GPRIN2: variants seen among roughly 807,000 people sequenced by gnomAD.
GPRIN2 encodes the protein G protein regulated inducer of neurite outgrowth 2.
GPRIN2 carries 1 observed loss-of-function variant against 0.3 expected under a neutral mutation model. The observed-to-expected ratio is 3.90, with a 90% CI of 1.39 to 18.51. The LOEUF (loss-of-function observed/expected upper bound fraction) is 18.51, where lower values mean the gene tolerates loss of function less well. Among genes scored for constraint, GPRIN2 ranks in the 30% most tolerant of loss-of-function variants. The pLI is 0.11. For synonymous variants in GPRIN2, 361 were observed against 258.6 expected, an observed-to-expected ratio of 1.40 and a Z score of -3.80; for missense variants, 880 against 604.2, an observed-to-expected ratio of 1.46 and a Z score of -4.79.
chr10:46,541,744 C>G lies in GPRIN2; in HGVS notation c.*7616G>C, dbSNP rs983617798. Among the ~76,000 whole-genome samples the G allele has an allele frequency of 2.0e-5, 3 of 152,292 alleles. No individual in the cohort carries two copies. The highest frequency in any genetic ancestry group is 1.5e-5 in the Non-Finnish European group (1 of 68,056). ...AAGGCAACACTAAGTGATTCGGTAA[C>G]CAAGATAAATCATATTTTAATTATT... On this transcript the variant is annotated 3_prime_UTR_variant, in exon 3 of 3. Transcript: ENST00000374314.
chr10:46,551,567 T>C (rs1832182252), intron 2 of GPRIN2: 1 of 941,780 alleles, frequency 1.1e-6, no homozygotes, highest in Non-Finnish European at 1.3e-6. Flanking sequence ...TTCAGACCTT[T>C]CTGTACCCCT....
chr10:46,557,549 C>T (rs1364031456), upstream of GPRIN2, among the ~76,000 whole-genome samples: 2 of 152,304 alleles, frequency 1.3e-5, no homozygotes, highest in African/African-American at 2.4e-5. Context: ...GGATGAGCCA[C>T]CTCCACTGGA....
At chr10:46,556,180 G>C (rs1311594900) in intron 1 of GPRIN2, among the ~76,000 whole-genome samples, 1 of 152,310 alleles carries the variant, frequency 6.6e-6, no homozygotes, top group Non-Finnish European at 1.5e-5. Context: ...GGCTGAGGGA[G>C]GGGAAAAGGA....
chr10:46,553,398 G>A (rs1842829403), intron 2 of GPRIN2, among the ~76,000 whole-genome samples: 1 of 152,310 alleles, frequency 6.6e-6, no homozygotes, highest in African/African-American at 2.4e-5. Context: ...GTCACTGCCA[G>A]CCCCTGGCAG....
rs1842159979 is a variant in GPRIN2 at position 46,546,342 on chromosome 10, A to G, written c.*3018T>C. Among the ~76,000 whole-genome samples the G allele has an allele frequency of 6.6e-6, 1 of 152,308 alleles. No individual in the cohort carries two copies. ...GGCAGAAGCAGGGAGCCCCTGGAGC[A>G]GACAGAGGGGGGATTCCTGCTGAGG... On this transcript the variant is annotated 3_prime_UTR_variant, in exon 3 of 3. Transcript: ENST00000374314.
Position 46,550,610 on chromosome 10 carries a change from C to A in GPRIN2, c.127G>T (p.Ala43Ser). ...TGGGCCTGCCACACGGTGCTGCTGG[C>A]AGTCTTGCGGAGCTCTGGCCTCTGT... is the stretch of plus-strand genomic sequence containing the variant. ...REQRPELRKT[A>S]SSTVWQAQLG... The change falls in exon 3 of 3, where the codon GCC becomes TCC. Residue 43 changes from alanine (A) to serine (S), a missense_variant. Transcript: ENST00000374314. 1.3e-6 allele frequency: 2 copies of A among 1,586,782 alleles called. No homozygotes were observed. The highest frequency in any genetic ancestry group is 8.6e-7 in the Non-Finnish European group (1 of 1,166,888).
rs901163809 is a variant in GPRIN2, at chr10:46,548,572, G to A, written c.*788C>T. On this transcript the variant is annotated 3_prime_UTR_variant, in exon 3 of 3. Coordinates refer to ENST00000374314, the MANE Select transcript of GPRIN2 (RefSeq NM_001385282.1). ...GCCTGGCAGCCCTCCGTAATGGTCA[G>A]CATCCTCCCCTGCCATCCCCAACCC... Among the ~76,000 whole-genome samples the A allele has an allele frequency of 2.6e-5, 4 of 152,310 alleles. No individual in the cohort carries two copies. The highest frequency in any genetic ancestry group is 4.4e-5 in the Non-Finnish European group (3 of 68,056).
chr10:46,556,715 G>T (rs1235981403), upstream of GPRIN2, among the ~76,000 whole-genome samples: 1 of 152,108 alleles, frequency 6.6e-6, no homozygotes, highest in East Asian at 1.9e-4. Flanking sequence ...GGCGGGCGGA[G>T]ACCTCGCTCA....
chr10:46,549,602 C>T lies in GPRIN2; in HGVS notation c.1135G>A (p.Val379Met), dbSNP rs1832663025. The change falls in exon 3 of 3, where the codon GTG becomes ATG. Residue 379 changes from valine (V) to methionine (M), a missense_variant. Coordinates refer to ENST00000374314, the MANE Select transcript of GPRIN2 (RefSeq NM_001385282.1). Reference protein sequence around the residue: ...GSSLEEVPSPVRDVRWDAEGM... With the variant: ...GSSLEEVPSPMRDVRWDAEGM... ...TCAGCATCCCATCGCACATCCCGCA[C>T]AGGGGACGGCACCTCCTCCAGGCTG... 9 of 1,614,136 alleles carry T rather than the reference C, an allele frequency of 5.6e-6. No individual in the cohort carries two copies. The highest frequency in any genetic ancestry group is 7.6e-6 in the Non-Finnish European group (9 of 1,180,028).
Position 46,549,802 on chromosome 10 carries a change from T to A in GPRIN2, c.935A>T (p.Asp312Val). 2 of 1,614,194 alleles carry A rather than the reference T, an allele frequency of 1.2e-6. No individual in the cohort carries two copies. Among genetic ancestry groups the A allele is most frequent in the Non-Finnish European group, 1.7e-6 (2 of 1,180,062 alleles). The change falls in exon 3 of 3, where the codon GAT becomes GTT. Residue 312 changes from aspartate (D) to valine (V), a missense_variant. Transcript: ENST00000374314. ...ATTGGCTGAGGTCATGGTCCACACA[T>A]CTTTGGTCCTAGAGCCAGGCTCTGG... ...LVPEPGSRTK[D>V]VWTMTSANDL...
intron 2 of GPRIN2, chr10:46,551,300 C>T (rs1832199640): frequency 1.0e-4 from 74 of 741,780 alleles, no homozygotes; most frequent in East Asian, 9.3e-4. Flanking sequence ...GTTCACAGGA[C>T]GAGGGAGCAA....
rs570628843 is a variant in GPRIN2 at position 46,547,817 on chromosome 10, A to G, written c.*1543T>C. Among the ~76,000 whole-genome samples, 5 of 152,306 alleles carry G rather than the reference A, an allele frequency of 3.3e-5. No individual in the cohort carries two copies. The highest frequency in any genetic ancestry group is 3.8e-4 in the East Asian group (2 of 5,208). On this transcript the variant is annotated 3_prime_UTR_variant, in exon 3 of 3. Transcript: ENST00000374314. ...AGAATCCCAAGGGGTGCACCTATGC[A>G]TATGGGAAAGGCATGTTTACGGGTG... is the stretch of plus-strand genomic sequence containing the variant.
intron 2 of GPRIN2, among the ~76,000 whole-genome samples, chr10:46,553,709 C>T (rs573523160): frequency 1.3e-5 from 2 of 152,306 alleles, no homozygotes; most frequent in Non-Finnish European, 1.5e-5. Context: ...TGGTTCCCTT[C>T]CCCATTCCCC....
Position 46,550,123 on chromosome 10 carries a change from G to T in GPRIN2, c.614C>A (p.Thr205Asn). 3 of 1,608,838 alleles carry T rather than the reference G, an allele frequency of 1.9e-6. No individual in the cohort carries two copies. The highest frequency in any genetic ancestry group is 2.5e-6 in the Non-Finnish European group (3 of 1,177,180). Residue 205 changes from threonine to asparagine, a missense_variant, in exon 3 of 3, where the codon ACT becomes AAT. Thr to Asn is a moderately conservative substitution (Grantham distance 65). Transcript: ENST00000374314. ...AGCCTGGGCACTGCTGCTGTGGGCA[G>T]TTGTGTCCCCCAGGTCTAGTGGTGG... ...SVPPLDLGDT[T>N]AHSSSAQAEP...
At chr10:46,556,229 G>A (rs1843203024) in intron 1 of GPRIN2, among the ~76,000 whole-genome samples, 2 of 152,310 alleles carry the variant, frequency 1.3e-5, no homozygotes, top group South Asian at 2.1e-4. Flanking sequence ...CAGGGGTGGA[G>A]GCCGAAGGAG....
chr10:46,542,625 C>T lies in GPRIN2; in HGVS notation c.*6735G>A, dbSNP rs1841845840. 1.3e-5 allele frequency among the ~76,000 whole-genome samples: 2 copies of T among 152,308 alleles called. No homozygotes were observed. Among genetic ancestry groups the T allele is most frequent in the Admixed American group, 6.5e-5 (1 of 15,294 alleles). On this transcript the variant is annotated 3_prime_UTR_variant, in exon 3 of 3. Transcript: ENST00000374314. Reference sequence around the variant, plus strand: ...CACGTGGAACTGTGAGTCAATTAAACCTCTTTCCTTTATAAATTACCCAGT... The same window carrying T: ...CACGTGGAACTGTGAGTCAATTAAATCTCTTTCCTTTATAAATTACCCAGT...
rs1842169874 is a variant in GPRIN2, at chr10:46,546,462, G to A, written c.*2898C>T. Among the ~76,000 whole-genome samples the A allele has an allele frequency of 6.6e-6, 1 of 152,312 alleles. No individual in the cohort carries two copies. Among genetic ancestry groups the A allele is most frequent in the African/African-American group, 2.4e-5 (1 of 41,488 alleles). On this transcript the variant is annotated 3_prime_UTR_variant, in exon 3 of 3. Coordinates refer to ENST00000374314, the MANE Select transcript of GPRIN2 (RefSeq NM_001385282.1). ...CAGTCAGGACCGATGCCCCATCCCT[G>A]CTGGGGTCTGGCAAAGCTCTCACCT...
At position 46,550,356 on chromosome 10, in the gene GPRIN2, G is replaced by A; in HGVS notation, c.381C>T (p.Ser127=). ...MQRSHSDLVR[S]TQMRGHSGAR... The stretch of plus-strand genomic sequence containing the variant: ...CACCACTGTGTCCCCGCATCTGGGT[G>A]CTACGGACCAGGTCTGAATGGCTCC... Residue 127 remains serine (S), a synonymous_variant, in exon 3 of 3, where the codon AGC becomes AGT. Transcript: ENST00000374314. 1.9e-6 allele frequency: 3 copies of A among 1,612,926 alleles called. No individual in the cohort carries two copies. Among genetic ancestry groups the A allele is most frequent in the Non-Finnish European group, 2.5e-6 (3 of 1,179,906 alleles).
chr10:46,557,175 T>C (rs1328306214), upstream of GPRIN2, among the ~76,000 whole-genome samples: 2 of 152,088 alleles, frequency 1.3e-5, no homozygotes, highest in Non-Finnish European at 2.9e-5. Flanking sequence ...CCCCGTTTCC[T>C]ATAGGGCCCT....
Sources: allele counts gnomAD v4.1 joint callset (sites outside exome capture counted in the v4.1 genomes callset), GRCh38; gene constraint gnomAD v4.1.1; transcripts MANE v1.5; gene names NCBI Gene and HGNC (gene_info 2026-07-23, HGNC 2026-07-21).